CDK15: variants seen among roughly 807,000 people sequenced by gnomAD.
CDK15 encodes cyclin dependent kinase 15.
Under a neutral mutation model 60.3 loss-of-function variants are expected in CDK15, and 62 were observed. That is an observed-to-expected ratio of 1.03 (90% CI 0.84 to 1.27). The LOEUF (loss-of-function observed/expected upper bound fraction) is 1.27, where lower values mean the gene tolerates loss of function less well. CDK15 is among the 50% of genes most tolerant of loss of function. CDK15 has a pLI of 0.00. For missense variants in CDK15, 541 were observed against 527.8 expected (o/e 1.03, Z -0.25); for synonymous variants, 194 against 195.7 (o/e 0.99, Z 0.07).
chr2:201,890,973 G>T, intron 13 of CDK15, 46 bp downstream of exon 13: 1 of 1,004,824 alleles, frequency 1.0e-6, no homozygotes, highest in Non-Finnish European at 1.5e-6. Flanking sequence ...AAATTGAAAA[G>T]CAATTGGTGC....
At chr2:201,823,029 A>C in intron 5 of CDK15, 126 bp downstream of exon 5, 1 of 652,162 alleles carries the variant, frequency 1.5e-6, no homozygotes, top group Non-Finnish European at 2.7e-6. Context: ...GGAAATTTTC[A>C]TTATTGTGAT....
intron 12 of CDK15, among the ~76,000 whole-genome samples, chr2:201,886,648 A>C (rs954670014): frequency 2.6e-5 from 4 of 152,206 alleles, no homozygotes; most frequent in Non-Finnish European, 1.5e-5. Context: ...CGATGGTGAT[A>C]AATGTTTTTG....
intron 8 of CDK15, among the ~76,000 whole-genome samples, chr2:201,839,019 C>A (rs1697257627): frequency 1.3e-5 from 2 of 152,252 alleles, no homozygotes; most frequent in African/African-American, 4.8e-5. Context: ...CAGCTCACTG[C>A]AAGCTCCGCC....
chr2:201,858,814 A>G (rs980447312), intron 10 of CDK15, among the ~76,000 whole-genome samples: 1 of 152,064 alleles, frequency 6.6e-6, no homozygotes, highest in African/African-American at 2.4e-5. Context: ...GAGGAGAAAA[A>G]AGTGTTTTGA....
chr2:201,849,301 A>G (rs1212128827), intron 9 of CDK15, among the ~76,000 whole-genome samples: 3 of 152,264 alleles, frequency 2.0e-5, no homozygotes, highest in Admixed American at 6.5e-5. Flanking sequence ...AGATGTTTCA[A>G]TAACCTAACT....
At chr2:201,867,236 G>A (rs1288829336) in intron 10 of CDK15, among the ~76,000 whole-genome samples, 2 of 152,224 alleles carry the variant, frequency 1.3e-5, no homozygotes, top group African/African-American at 4.8e-5. Context: ...AGAAGTGTTT[G>A]TTGAGTTGCT....
intron 10 of CDK15, among the ~76,000 whole-genome samples, chr2:201,859,240 G>T (rs530949884): frequency 6.6e-6 from 1 of 152,318 alleles, no homozygotes; most frequent in South Asian, 2.1e-4. Flanking sequence ...ATGGACAGGA[G>T]TTGTGGCGCT....
chr2:201,824,440 G>A (rs930494669), intron 6 of CDK15: 2 of 156,144 alleles, frequency 1.3e-5, no homozygotes, highest in Non-Finnish European at 2.8e-5. Flanking sequence ...TTTCAATAAT[G>A]AATAAGTTCT....
At chr2:201,837,441 G>T (rs1227782526) in intron 8 of CDK15, among the ~76,000 whole-genome samples, 2 of 101,544 alleles carry the variant, frequency 2.0e-5, no homozygotes, top group Non-Finnish European at 4.2e-5. Context: ...AGGGAAGGAA[G>T]GAAGGAAAGG....
chr2:201,876,625 A>C, intron 11 of CDK15: 1 of 1,253,564 alleles, frequency 8.0e-7, no homozygotes, highest in Non-Finnish European at 1.0e-6. Flanking sequence ...AGGCTGTGAG[A>C]CTGGAACAAG....
At chr2:201,867,884 C>T (rs1355459285) in intron 10 of CDK15, among the ~76,000 whole-genome samples, 1 of 152,220 alleles carries the variant, frequency 6.6e-6, no homozygotes, top group Admixed American at 6.5e-5. Context: ...CTCCCAGCAA[C>T]TGGAAAATGA....
At chr2:201,861,551 G>GTTTTTTTTTTTTTGTTTTTTTTTTTT (rs538808229) in intron 10 of CDK15, 1 of 627,234 alleles carries the variant, frequency 1.6e-6, no homozygotes, top group South Asian at 7.4e-5. Context: ...TTGTTGGTTT[G>GTTTTTTTTTTTTTGTTTTTTTTTTTT]TTTTTTTTTT....
rs1699737809 is a variant in CDK15, at chr2:201,894,993, A to G, written c.*1726A>G. ...ACTTTTAAGTACAATATGAATTAAT[A>G]GTATAATTTCGCTGTCCCCCAGAGA... On this transcript the variant is annotated 3_prime_UTR_variant, in exon 14 of 14. Transcript: ENST00000652192. 2.0e-5 allele frequency: 3 copies of G among 152,234 alleles called. No individual in the cohort carries two copies. Among genetic ancestry groups the G allele is most frequent in the South Asian group, 2.1e-4 (1 of 4,822 alleles). The allele number at this position is 152,234 out of a possible 1,614,324, so 9.4% of individuals were successfully genotyped here.
intron 4 of CDK15, 38 bp from the exon 5 acceptor site, chr2:201,822,771 A>G (rs746379180): frequency 4.9e-6 from 6 of 1,216,858 alleles, no homozygotes; most frequent in Admixed American, 3.4e-5. Context: ...CACTTTCATT[A>G]TCAATGATGG....
rs965739547 is a variant in CDK15, at chr2:201,824,797, C to T, written c.606+1070C>T. The T allele has an allele frequency of 2.0e-5, 14 of 686,848 alleles. No homozygotes were observed. In the Admixed American group the frequency reaches 2.3e-4, roughly 11 times the overall value. The allele number at this position is 686,848 out of a possible 1,614,324, so 42.5% of individuals were successfully genotyped here. ...AATGATGTCTAAAGAAAATGTGAAACACCCTCAGCCATCTGAAGGACAGTG... is the reference window on the plus strand; with the variant it reads ...AATGATGTCTAAAGAAAATGTGAAATACCCTCAGCCATCTGAAGGACAGTG... On this transcript the variant is annotated intron_variant, in intron 6 of 13. Coordinates refer to ENST00000652192, the MANE Select transcript of CDK15 (RefSeq NM_001366386.2).
intron 1 of CDK15, 83 bp from the exon 2 acceptor site, chr2:201,807,411 G>T (rs551610873): frequency 7.2e-7 from 1 of 1,391,892 alleles, no homozygotes; most frequent in Admixed American, 2.1e-5. Context: ...TGAAAATGAG[G>T]CAAATAAAGA....
Position 201,880,094 on chromosome 2 carries a change from C to T in CDK15, c.1125C>T (p.Arg375=), listed in dbSNP as rs778355395. 168 of 1,614,114 alleles carry T rather than the reference C, an allele frequency of 1.0e-4. No individual in the cohort carries two copies. The highest frequency in any genetic ancestry group is 3.3e-4 in the Middle Eastern group (2 of 6,062). Residue 375 remains arginine, a synonymous_variant, in exon 12 of 14, where the codon CGC becomes CGT. Coordinates refer to ENST00000652192, the MANE Select transcript of CDK15 (RefSeq NM_001366386.2). The part of the protein sequence containing the change: ...SQMLKGFPRD[R]VSAQEALVHD... ...TGCTAAAAGGCTTTCCCAGAGACCG[C>T]GTCTCCGCCCAGGAAGCACTTGTTC... is the stretch of plus-strand genomic sequence containing the variant.
intron 7 of CDK15, 87 bp downstream of exon 7, chr2:201,834,058 T>C: frequency 6.9e-7 from 1 of 1,458,616 alleles, no homozygotes; most frequent in South Asian, 1.5e-5. Flanking sequence ...GCCTGGCCTT[T>C]GAAAACTGGA....
At chr2:201,885,982 A>G (rs900706359) in intron 12 of CDK15, among the ~76,000 whole-genome samples, 1 of 152,176 alleles carries the variant, frequency 6.6e-6, no homozygotes, top group Non-Finnish European at 1.5e-5. Flanking sequence ...TTTTACTTCA[A>G]ATCTGACTCC....
Sources: allele counts gnomAD v4.1 joint callset (sites outside exome capture counted in the v4.1 genomes callset), GRCh38; gene constraint gnomAD v4.1.1; transcripts MANE v1.5; gene names NCBI Gene and HGNC (gene_info 2026-07-23, HGNC 2026-07-21).